Variants in MBNL2 observed in about 807,000 individuals in gnomAD.
MBNL2 encodes muscleblind like splicing regulator 2, also known as muscleblind-like protein 2.
MBNL2 carries 17 observed loss-of-function variants against 41.9 expected under a neutral mutation model. The observed-to-expected ratio is 0.41, with a 90% CI of 0.28 to 0.61. MBNL2 has a LOEUF of 0.61. MBNL2 is among the 20% of genes least tolerant of loss of function. The pLI is 0.35. For missense variants in MBNL2, 336 were observed against 505.6 expected (o/e 0.66, Z 3.22); for synonymous variants, 195 against 182.9 (o/e 1.07, Z -0.53).
At chr13:97,189,692 T>C in the MBNL2 span, among the ~76,000 whole-genome samples, 2 of 152,242 alleles carry the variant, frequency 1.3e-5, no homozygotes, top group Non-Finnish European at 2.9e-5. Context: ...TTTATGTCTA[T>C]ATATACATAC....
chr13:97,357,331 C>T, intron 6 of MBNL2, 151 bp from the exon 7 acceptor site: 2 of 648,836 alleles, frequency 3.1e-6, no homozygotes, highest in Admixed American at 2.7e-5. Flanking sequence ...CTCACTCATT[C>T]GACATTGCCG....
At chr13:97,205,769 G>A in the MBNL2 span, among the ~76,000 whole-genome samples, 64 of 152,272 alleles carry the variant, frequency 4.2e-4, no homozygotes, top group Non-Finnish European at 7.8e-4. Context: ...GATTTACATA[G>A]CTGACCCAAA....
chr13:97,368,613 A>G (rs1257560257), intron 8 of MBNL2, among the ~76,000 whole-genome samples: 1 of 120,550 alleles, frequency 8.3e-6, no homozygotes, highest in Non-Finnish European at 1.8e-5. Context: ...ACCATGTGTC[A>G]TATATATTGT....
intron 1 of MBNL2, among the ~76,000 whole-genome samples, chr13:97,253,614 A>C (rs765101968): frequency 1.8e-4 from 27 of 152,176 alleles, no homozygotes; most frequent in Non-Finnish European, 2.8e-4. Flanking sequence ...AGATGAGGAA[A>C]GTTGGGAAGA....
At chr13:97,224,463 A>G (rs980862861) in intron 1 of MBNL2, among the ~76,000 whole-genome samples, 11 of 152,112 alleles carry the variant, frequency 7.2e-5, no homozygotes, top group Admixed American at 7.2e-4. Context: ...ACTGGAGCAC[A>G]TTGGAGTTCT....
chr13:97,317,168 T>C (rs2059130923), intron 2 of MBNL2, among the ~76,000 whole-genome samples: 1 of 152,270 alleles, frequency 6.6e-6, no homozygotes, highest in African/African-American at 2.4e-5. Context: ...AGCTTTGTGA[T>C]GGATGATGCA....
chr13:97,346,693 G>A lies in MBNL2; in HGVS notation c.541-111G>A. ...CAATCTTTTCTTGTCAGTGGTACAT[G>A]AGCCACCATTGAAAGCGAGGCAGCC... On this transcript the variant is annotated intron_variant, in intron 4 of 8. Coordinates refer to ENST00000679496, the MANE Select transcript of MBNL2 (RefSeq NM_001382683.1). This position sits in a 1 kb window ranked among gnomAD's most constrained non-coding sequence, Gnocchi z 4.2. 2 of 754,124 alleles carry A rather than the reference G, an allele frequency of 2.7e-6. No homozygotes were observed. Among genetic ancestry groups the A allele is most frequent in the South Asian group, 1.8e-5 (1 of 56,058 alleles). The allele number at this position is 754,124 out of a possible 1,614,324, so 46.7% of individuals were successfully genotyped here.
At chr13:97,365,014 G>A in intron 7 of MBNL2, 122 bp from the exon 8 acceptor site, 1 of 780,366 alleles carries the variant, frequency 1.3e-6, no homozygotes, top group South Asian at 1.4e-5. Context: ...CTAAAAGACT[G>A]TGTTAACTAA....
intron 2 of MBNL2, among the ~76,000 whole-genome samples, chr13:97,300,480 C>T (rs2152999690): frequency 6.6e-6 from 1 of 152,222 alleles, no homozygotes; most frequent in African/African-American, 2.4e-5. Context: ...ACCTAGACTC[C>T]CCACATGCGC....
At chr13:97,178,599 A>G in the MBNL2 span, among the ~76,000 whole-genome samples, 5 of 152,346 alleles carry the variant, frequency 3.3e-5, no homozygotes, top group South Asian at 2.1e-4. Context: ...AACACTGCTT[A>G]GAAATACAAT....
intron 1 of MBNL2, among the ~76,000 whole-genome samples, chr13:97,258,207 A>AG (rs975753589): frequency 4.7e-5 from 7 of 150,500 alleles, no homozygotes; most frequent in African/African-American, 1.5e-4. Context: ...CTTTGTTGCC[A>AG]GGGTTTTTTT....
chr13:97,234,024 A>C (rs1034912310), intron 1 of MBNL2, among the ~76,000 whole-genome samples: 2 of 152,228 alleles, frequency 1.3e-5, no homozygotes, highest in Non-Finnish European at 2.9e-5. Flanking sequence ...GTGGGAAGGC[A>C]TCTGAGGGAT....
chr13:97,300,895 A>G (rs2057554062), intron 2 of MBNL2, among the ~76,000 whole-genome samples: 1 of 152,188 alleles, frequency 6.6e-6, no homozygotes, highest in Admixed American at 6.5e-5. Flanking sequence ...TTGGGCATCT[A>G]TAACTATGAT....
At chr13:97,226,434 C>T (rs1009836237) in intron 1 of MBNL2, among the ~76,000 whole-genome samples, 1 of 152,300 alleles carries the variant, frequency 6.6e-6, no homozygotes, top group Non-Finnish European at 1.5e-5. Context: ...TCTGGGCTTC[C>T]CTGGCTTTTG....
intron 1 of MBNL2, among the ~76,000 whole-genome samples, chr13:97,234,114 C>T (rs2042865745): frequency 6.6e-6 from 1 of 152,132 alleles, no homozygotes; most frequent in Admixed American, 6.5e-5. Context: ...CTTTATTGAC[C>T]GGACAATCAT....
chr13:97,286,046 CAT>C (rs1332593066), intron 2 of MBNL2, among the ~76,000 whole-genome samples: 2 of 152,228 alleles, frequency 1.3e-5, no homozygotes, highest in Non-Finnish European at 2.9e-5. Context: ...TGGCCTGCCA[CAT>C]GTCTTTATCC....
chr13:97,142,527 A>G, the MBNL2 span, among the ~76,000 whole-genome samples: 6 of 152,230 alleles, frequency 3.9e-5, no homozygotes, highest in African/African-American at 1.2e-4. Context: ...ACCTCCACAC[A>G]TAGTGTGGGT....
chr13:97,148,736 C>T, the MBNL2 span, among the ~76,000 whole-genome samples: 3 of 152,164 alleles, frequency 2.0e-5, no homozygotes, highest in Admixed American at 1.3e-4. Context: ...TATATTTATG[C>T]TAAGGTATAC....
chr13:97,267,063 C>T (rs2049970411), intron 1 of MBNL2, among the ~76,000 whole-genome samples: 2 of 152,320 alleles, frequency 1.3e-5, no homozygotes, highest in Non-Finnish European at 2.9e-5. Flanking sequence ...TCAGTCTCAA[C>T]ATTGGACATG....
Sources: allele counts gnomAD v4.1 joint callset (sites outside exome capture counted in the v4.1 genomes callset), GRCh38; gene constraint gnomAD v4.1.1; non-coding constraint Gnocchi (gnomAD v3.1); transcripts MANE v1.5; gene names NCBI Gene and HGNC (gene_info 2026-07-23, HGNC 2026-07-21).